The following CA10 variants were observed in gnomAD, a reference collection of about 807,000 sequenced individuals.
The protein encoded by CA10 is carbonic anhydrase 10 (inactive), also known as carbonic anhydrase-related protein 10.
A neutral mutation model predicts 44.2 loss-of-function variants in CA10; 14 were observed. That is an observed-to-expected ratio of 0.32 (90% CI 0.21 to 0.50). The LOEUF (loss-of-function observed/expected upper bound fraction) is 0.50. Among genes scored for constraint, CA10 ranks in the 20% least tolerant of loss-of-function variants. CA10 has a pLI of 0.99. For synonymous variants in CA10, 159 were observed against 141.6 expected, an observed-to-expected ratio of 1.12 and a Z score of -0.87; for missense variants, 350 against 409.7, an observed-to-expected ratio of 0.85 and a Z score of 1.26.
intron 7 of CA10, among the ~76,000 whole-genome samples, chr17:51,634,003 C>T (rs559203393): frequency 1.3e-5 from 2 of 152,326 alleles, no homozygotes; most frequent in Admixed American, 1.3e-4. Flanking sequence ...TTCCATGACT[C>T]CCACATGGTA....
At chr17:52,043,874 T>A (rs1411324535) in intron 2 of CA10, among the ~76,000 whole-genome samples, 1 of 152,162 alleles carries the variant, frequency 6.6e-6, no homozygotes, top group Non-Finnish European at 1.5e-5. Context: ...TTCTGTATGT[T>A]AAACCATCCT....
At chr17:52,097,183 T>C (rs990620073) in intron 1 of CA10, among the ~76,000 whole-genome samples, 3 of 152,102 alleles carry the variant, frequency 2.0e-5, no homozygotes, top group African/African-American at 7.2e-5. Context: ...TTGGAACAAA[T>C]TAGATCTCTC....
intron 2 of CA10, chr17:52,070,653 G>T (rs1987656186): frequency 6.6e-6 from 1 of 150,642 alleles, no homozygotes; most frequent in Non-Finnish European, 1.5e-5. Flanking sequence ...AATTAAATTT[G>T]AGAGTGAGGA....
At chr17:51,747,120 T>C (rs905052183) in intron 4 of CA10, among the ~76,000 whole-genome samples, 2 of 152,204 alleles carry the variant, frequency 1.3e-5, no homozygotes, top group Non-Finnish European at 2.9e-5. Flanking sequence ...TCTGTCTGGG[T>C]TGATGGTGGC....
chr17:52,083,953 A>G lies in CA10; in HGVS notation c.62-11560T>C, dbSNP rs115950598. 2.3e-3 allele frequency among the ~76,000 whole-genome samples: 344 copies of G among 152,296 alleles called. 4 individuals carry two copies. Among genetic ancestry groups the G allele is most frequent in the African/African-American group, 8.0e-3 (332 of 41,546 alleles). On this transcript the variant is annotated intron_variant, in intron 1 of 8. Transcript: ENST00000451037. Reference sequence around the variant, plus strand: ...ATACTGTGACTGCAGATTGAATGGTAGTCTATTTTTAGTTACCAAGAAAAC... The same window carrying G: ...ATACTGTGACTGCAGATTGAATGGTGGTCTATTTTTAGTTACCAAGAAAAC...
chr17:51,660,869 T>A (rs1041924592), intron 4 of CA10, among the ~76,000 whole-genome samples: 4 of 152,126 alleles, frequency 2.6e-5, no homozygotes, highest in African/African-American at 9.7e-5. Context: ...GCCTCCCTTA[T>A]ATACTGGGCT....
chr17:51,811,696 T>G (rs1907373291), intron 3 of CA10, among the ~76,000 whole-genome samples: 1 of 152,224 alleles, frequency 6.6e-6, no homozygotes, highest in African/African-American at 2.4e-5. Context: ...TGATGGACAT[T>G]TGGGTTGGTT....
intron 3 of CA10, among the ~76,000 whole-genome samples, chr17:51,786,010 C>T (rs971277117): frequency 2.6e-5 from 4 of 151,898 alleles, no homozygotes; most frequent in East Asian, 3.9e-4. Context: ...TTATTGTTTT[C>T]GTTATAGAGA....
intron 3 of CA10, among the ~76,000 whole-genome samples, chr17:51,907,136 C>T (rs1981590424): frequency 2.6e-5 from 4 of 152,138 alleles, no homozygotes; most frequent in Admixed American, 2.6e-4. Context: ...AGACTTTTGA[C>T]CATTTTTCTG....
intron 4 of CA10, among the ~76,000 whole-genome samples, chr17:51,737,414 T>C (rs1453637655): frequency 2.1e-5 from 3 of 145,928 alleles, no homozygotes; most frequent in Non-Finnish European, 4.4e-5. Context: ...AGATGAGTTC[T>C]AAGGTGAACC....
At chr17:51,651,597 T>C (rs921902855) in intron 5 of CA10, among the ~76,000 whole-genome samples, 7 of 152,188 alleles carry the variant, frequency 4.6e-5, no homozygotes, top group Non-Finnish European at 1.0e-4. Flanking sequence ...AACTAGGACT[T>C]GCAAACCCCA....
chr17:51,851,890 A>C (rs1978811939), intron 3 of CA10, among the ~76,000 whole-genome samples: 1 of 152,218 alleles, frequency 6.6e-6, no homozygotes, highest in Non-Finnish European at 1.5e-5. Flanking sequence ...TGAACTTCAG[A>C]TTTTGCTAAA....
chr17:51,735,720 T>C (rs1916879678), intron 4 of CA10, among the ~76,000 whole-genome samples: 2 of 152,194 alleles, frequency 1.3e-5, no homozygotes, highest in Admixed American at 1.3e-4. Flanking sequence ...GAAACTGTTC[T>C]GTCTCCTGAT....
intron 1 of CA10, among the ~76,000 whole-genome samples, chr17:52,113,545 A>G (rs1189332559): frequency 1.3e-5 from 2 of 152,228 alleles, no homozygotes; most frequent in East Asian, 1.9e-4. Flanking sequence ...TTAAATAGCA[A>G]TTAATGAGTT....
chr17:52,011,140 G>C (rs1985781998), intron 2 of CA10, among the ~76,000 whole-genome samples: 1 of 151,930 alleles, frequency 6.6e-6, no homozygotes, highest in Non-Finnish European at 1.5e-5. Flanking sequence ...TGTTTGTTAA[G>C]AATACTGAAA....
intron 1 of CA10, among the ~76,000 whole-genome samples, chr17:52,105,516 A>G (rs925095207): frequency 1.3e-5 from 2 of 152,126 alleles, no homozygotes; most frequent in African/African-American, 4.8e-5. Context: ...TGGCCTCCCA[A>G]AGTGCGTGAG....
At position 52,106,652 on chromosome 17, in the gene CA10, A is replaced by G. The variant is rs532981905; in HGVS notation, c.62-34259T>C. Among the ~76,000 whole-genome samples the G allele has an allele frequency of 1.5e-4, 23 of 152,282 alleles. No individual in the cohort carries two copies. In the South Asian group the frequency reaches 4.8e-3, roughly 32 times the overall value. On this transcript the variant is annotated intron_variant, in intron 1 of 8. Transcript: ENST00000451037. ...AGGAACTGTAACAGGCTATGCTACA[A>G]CTCTGTAATACTCCTTGGTAAATGA...
intron 3 of CA10, among the ~76,000 whole-genome samples, chr17:51,815,604 G>T (rs1907535888): frequency 6.6e-6 from 1 of 152,090 alleles, no homozygotes; most frequent in Non-Finnish European, 1.5e-5. Flanking sequence ...TTCCATCCAT[G>T]CTCCTTTTTA....
chr17:51,987,546 G>C (rs551255504), intron 2 of CA10, among the ~76,000 whole-genome samples: 51 of 151,858 alleles, frequency 3.4e-4, no homozygotes, highest in African/African-American at 1.2e-3. Context: ...TTAAAAAAAT[G>C]TAGAAAAGAT....
Sources: allele counts gnomAD v4.1 joint callset (sites outside exome capture counted in the v4.1 genomes callset), GRCh38; gene constraint gnomAD v4.1.1; transcripts MANE v1.5; gene names NCBI Gene and HGNC (gene_info 2026-07-23, HGNC 2026-07-21).